SRSF10: variants seen among roughly 807,000 people sequenced by gnomAD.
The protein encoded by SRSF10 is serine/arginine-rich splicing factor 10.
In SRSF10, 9 loss-of-function variants were observed where a neutral mutation model predicts 32.6. The ratio of observed to expected loss-of-function variants is 0.28; its 90% CI spans 0.17 to 0.48. SRSF10 has a LOEUF of 0.48. Among genes scored for constraint, SRSF10 ranks in the 20% least tolerant of loss-of-function variants. The pLI, the probability that SRSF10 is intolerant of heterozygous loss-of-function variation, is 0.99. For synonymous variants in SRSF10, 105 were observed against 112.4 expected, an observed-to-expected ratio of 0.93 and a Z score of 0.42; for missense variants, 201 against 331.8, an observed-to-expected ratio of 0.61 and a Z score of 3.06.
chr1:23,967,730 T>A lies in SRSF10; in HGVS notation c.*3412A>T. ...ATTCCAGCTGCAGTTTGGTCTTAAA[T>A]AAAAGAAGGATGTTTGTCAGTTTGG... is the stretch of plus-strand genomic sequence containing the variant. On this transcript the variant is annotated 3_prime_UTR_variant, in exon 6 of 6. Transcript: ENST00000492112. 1 of 1,611,826 alleles carries A rather than the reference T, an allele frequency of 6.2e-7. No individual in the cohort carries two copies.
chr1:23,967,843 T>C lies in SRSF10; in HGVS notation c.*3299A>G, dbSNP rs1434768495. 3.8e-6 allele frequency: 6 copies of C among 1,558,626 alleles called. No individual in the cohort carries two copies. Among genetic ancestry groups the C allele is most frequent in the Non-Finnish European group, 5.2e-6 (6 of 1,150,060 alleles). On this transcript the variant is annotated 3_prime_UTR_variant, in exon 6 of 6. Coordinates refer to ENST00000492112, the MANE Select transcript of SRSF10 (RefSeq NM_054016.4). The stretch of plus-strand genomic sequence containing the variant: ...CTGGGCCAAATTTTCAAGAGAATAA[T>C]ACAATAGTTCCCAGGTCTTTCCCCT...
rs1298371141 is a variant in SRSF10, at chr1:23,968,846, T to TAA, written c.*2295_*2296insTT. On this transcript the variant is annotated 3_prime_UTR_variant, in exon 6 of 6. Transcript: ENST00000492112. ...AACACTACCAAATAACCTCTTAAGT[T>TAA]AGTTAACCCAAGAGGCTTAATGAGC... Among the ~76,000 whole-genome samples the TAA allele has an allele frequency of 9.2e-5, 14 of 152,156 alleles. No individual in the cohort carries two copies. Among genetic ancestry groups the TAA allele is most frequent in the African/African-American group, 3.4e-4 (14 of 41,444 alleles).
chr1:23,974,564 T>C (rs1641968759), intron 3 of SRSF10, among the ~76,000 whole-genome samples: 2 of 152,208 alleles, frequency 1.3e-5, no homozygotes, highest in African/African-American at 4.8e-5. Flanking sequence ...AGCTCACGCC[T>C]GTAATCCCAA....
rs1268864650 is a variant in SRSF10, at chr1:23,966,716, C to A, written c.*4426G>T. The A allele has an allele frequency of 6.6e-6, 1 of 152,006 alleles. No homozygotes were observed. Among genetic ancestry groups the A allele is most frequent in the African/African-American group, 2.4e-5 (1 of 41,426 alleles). The allele number at this position is 152,006 out of a possible 1,614,324, so 9.4% of individuals were successfully genotyped here. ...AGGCAGAGTAAACAATTTATTATAA[C>A]TCTAGTATATTACAGTCACTGCACA... On this transcript the variant is annotated 3_prime_UTR_variant, in exon 6 of 6. Transcript: ENST00000492112.
At chr1:23,973,104 A>G (rs1641873999) in intron 3 of SRSF10, among the ~76,000 whole-genome samples, 1 of 152,186 alleles carries the variant, frequency 6.6e-6, no homozygotes, top group Admixed American at 6.5e-5. Flanking sequence ...GCAGAACGTG[A>G]TTTAGCCAAG....
Position 23,966,382 on chromosome 1 carries a change from A to T in SRSF10, c.*4760T>A, listed in dbSNP as rs1432175734. The T allele has an allele frequency of 6.6e-6, 1 of 152,014 alleles. No individual in the cohort carries two copies. Among genetic ancestry groups the T allele is most frequent in the African/African-American group, 2.4e-5 (1 of 41,446 alleles). The allele number at this position is 152,014 out of a possible 1,614,324, so 9.4% of individuals were successfully genotyped here. ...AAAAAGATGACAAAAATCAAATGTG[A>T]TGAAATCAATGTATAGGTAAAGAAA... is the stretch of plus-strand genomic sequence containing the variant. On this transcript the variant is annotated 3_prime_UTR_variant, in exon 6 of 6. Transcript: ENST00000492112.
At chr1:23,971,725 C>A (rs1641766495) in intron 4 of SRSF10, 99 bp from the exon 5 acceptor site, 4 of 1,505,270 alleles carry the variant, frequency 2.7e-6, no homozygotes, top group Non-Finnish European at 2.7e-6. Context: ...TAAAATGCTA[C>A]AGTATTTTTT....
intron 3 of SRSF10, among the ~76,000 whole-genome samples, chr1:23,973,119 G>C (rs1246431540): frequency 3.9e-5 from 6 of 152,284 alleles, no homozygotes; most frequent in African/African-American, 7.2e-5. Flanking sequence ...GCCAAGGCTG[G>C]GTTGAGGTAA....
chr1:23,979,959 G>A (rs954330180), intron 1 of SRSF10, among the ~76,000 whole-genome samples: 5 of 152,196 alleles, frequency 3.3e-5, no homozygotes, highest in Non-Finnish European at 7.4e-5. Flanking sequence ...ACTGCGGAGG[G>A]GGAGGGGGAC....
rs1270669516 is a variant in SRSF10 at position 23,964,789 on chromosome 1, T to TA, written c.*6352dup. Reference sequence around the variant, plus strand: ...GGTTACAAATCTAAGAGCAAAATCTTAAAAAAACCCAAGATTTATTTTTGG... The same window carrying TA: ...GGTTACAAATCTAAGAGCAAAATCTTAAAAAAAACCCAAGATTTATTTTTGG... On this transcript the variant is annotated 3_prime_UTR_variant, in exon 6 of 6. Transcript: ENST00000492112. 6.6e-6 allele frequency: 1 copy of TA among 151,976 alleles called. No individual in the cohort carries two copies. Among genetic ancestry groups the TA allele is most frequent in the African/African-American group, 2.4e-5 (1 of 41,422 alleles). The allele number at this position is 151,976 out of a possible 1,614,324, so 9.4% of individuals were successfully genotyped here.
At position 23,970,316 on chromosome 1, in the gene SRSF10, C is replaced by T; in HGVS notation, c.*826G>A. On this transcript the variant is annotated 3_prime_UTR_variant, in exon 6 of 6. Transcript: ENST00000492112. The stretch of plus-strand genomic sequence containing the variant: ...CAAGACAGTGGGGTTAACAAAAGAA[C>T]TAATCCACACTGCATCAAAAATAAT... 1 of 984,060 alleles carries T rather than the reference C, an allele frequency of 1.0e-6. No individual in the cohort carries two copies. Among genetic ancestry groups the T allele is most frequent in the South Asian group, 4.7e-5 (1 of 21,242 alleles). 61.0% of individuals were successfully genotyped at this position (984,060 alleles called of 1,614,324 possible).
chr1:23,979,580 C>T (rs1331191335), intron 1 of SRSF10, among the ~76,000 whole-genome samples: 1 of 152,132 alleles, frequency 6.6e-6, no homozygotes, highest in Non-Finnish European at 1.5e-5. Flanking sequence ...CTTCCCAAAC[C>T]TCCCTTTTCA....
Position 23,965,382 on chromosome 1 carries a change from C to G in SRSF10, c.*5760G>C, listed in dbSNP as rs946571256. The G allele has an allele frequency of 6.6e-6, 1 of 152,036 alleles. No individual in the cohort carries two copies. Among genetic ancestry groups the G allele is most frequent in the Non-Finnish European group, 1.5e-5 (1 of 67,862 alleles). The allele number at this position is 152,036 out of a possible 1,614,324, so 9.4% of individuals were successfully genotyped here. On this transcript the variant is annotated 3_prime_UTR_variant, in exon 6 of 6. Transcript: ENST00000492112. Reference sequence around the variant, plus strand: ...ATTTGGAAAGCCATGCTTAGAGTCTCTGAGCCACACAACCATAAGATCTTC... The same window carrying G: ...ATTTGGAAAGCCATGCTTAGAGTCTGTGAGCCACACAACCATAAGATCTTC...
Position 23,971,436 on chromosome 1 carries a change from G to C in SRSF10, c.495C>G (p.Phe165Leu), listed in dbSNP as rs1419141647. The change falls in exon 6 of 6, where the codon TTC (phenylalanine) becomes TTG (leucine). Residue 165 changes from phenylalanine (F) to leucine (L), a missense_variant. Physicochemically the swap from Phe to Leu is conservative, Grantham distance 22. Around this residue, in one of 3 missense-constraint regions of SRSF10, gnomAD observed 159 missense variants for 196.7 expected, o/e 0.81. Transcript: ENST00000492112. ...RSRSHSDNDR[F>L]KHRNRSFSRS... The stretch of plus-strand genomic sequence containing the variant: ...TTGAAAAAGATCGATTTCGGTGTTT[G>C]AATCTTTCAAAACAGAGGAGAGATA... 6.8e-6 allele frequency: 11 copies of C among 1,607,746 alleles called. No homozygotes were observed. The highest frequency in any genetic ancestry group is 9.3e-6 in the Non-Finnish European group (11 of 1,178,256).
In SRSF10 at chr1:23,980,263, G is replaced by T; in HGVS notation, c.-8C>A. On this transcript the variant is annotated 5_prime_UTR_variant, in exon 1 of 6. Coordinates refer to ENST00000492112, the MANE Select transcript of SRSF10 (RefSeq NM_054016.4). ...ACGCAGGTAGCGGGACATGGCGGCG[G>T]CGTGTCTCGGCCGGGCGCACTAACG... 6.7e-7 allele frequency: 1 copy of T among 1,486,268 alleles called. No individual in the cohort carries two copies. The highest frequency in any genetic ancestry group is 9.0e-7 in the Non-Finnish European group (1 of 1,115,316). The allele number at this position is 1,486,268 out of a possible 1,614,324, so 92.1% of individuals were successfully genotyped here. A position where few individuals can be genotyped will look rare whatever the true frequency, so the allele number is the denominator to read the frequency against.
chr1:23,976,389 T>C (rs915858552), intron 2 of SRSF10: 2 of 152,120 alleles, frequency 1.3e-5, no homozygotes, highest in Non-Finnish European at 2.9e-5. Flanking sequence ...TATGAACAGA[T>C]TAAATGGAAG....
At chr1:23,972,775 CTT>C (rs1484282011) in intron 3 of SRSF10, among the ~76,000 whole-genome samples, 7 of 143,968 alleles carry the variant, frequency 4.9e-5, no homozygotes, top group Admixed American at 1.4e-4. Flanking sequence ...GAGTTTTGCT[CTT>C]GTTGCCCAGG....
intron 3 of SRSF10, among the ~76,000 whole-genome samples, chr1:23,974,766 T>C (rs952124814): frequency 2.0e-5 from 3 of 151,772 alleles, no homozygotes; most frequent in Admixed American, 1.3e-4. Flanking sequence ...GAGGTGGTGG[T>C]TGCAGTGAGC....
rs1048090893 is a variant in SRSF10, at chr1:23,980,266, T to C, written c.-11A>G. On this transcript the variant is annotated 5_prime_UTR_variant, in exon 1 of 6. Coordinates refer to ENST00000492112, the MANE Select transcript of SRSF10 (RefSeq NM_054016.4). ...CAGGTAGCGGGACATGGCGGCGGCG[T>C]GTCTCGGCCGGGCGCACTAACGGGC... 259 of 1,483,434 alleles carry C rather than the reference T, an allele frequency of 1.7e-4. No individual in the cohort carries two copies. In the African/African-American group the frequency reaches 3.1e-3, roughly 18 times the overall value. 91.9% of individuals were successfully genotyped at this position (1,483,434 alleles called of 1,614,324 possible).
Sources: gnomAD v4.1 joint callset for allele counts (sites outside exome capture counted in the v4.1 genomes callset) on GRCh38, gnomAD v4.1.1 for gene constraint, gnomAD v4.1.1 regional missense constraint, MANE v1.5 for transcripts, NCBI Gene and HGNC (gene_info 2026-07-23, HGNC 2026-07-21) for gene names.